ATP2C1: variants seen among roughly 807,000 people sequenced by gnomAD.
ATP2C1 encodes ATPase secretory pathway Ca2+ transporting 1, also known as calcium-transporting ATPase type 2C member 1.
Under a neutral mutation model 120.5 loss-of-function variants are expected in ATP2C1, and 31 were observed. That is an observed-to-expected ratio of 0.26 (90% CI 0.19 to 0.35). The LOEUF is 0.35. ATP2C1 is among the 10% of genes least tolerant of loss of function. ATP2C1 has a pLI of 1.00. For synonymous variants in ATP2C1, 351 were observed against 358.7 expected (o/e 0.98, Z 0.24); for missense variants, 731 against 1,107.5 (o/e 0.66, Z 4.83).
At chr3:130,940,981 C>A (rs2059872943) in intron 7 of ATP2C1, among the ~76,000 whole-genome samples, 1 of 131,126 alleles carries the variant, frequency 7.6e-6, no homozygotes, top group African/African-American at 2.9e-5. Flanking sequence ...GTGGCACAAT[C>A]TCGGCTCACT....
chr3:131,008,212 C>T (rs967401025), intron 26 of ATP2C1, among the ~76,000 whole-genome samples: 7 of 151,960 alleles, frequency 4.6e-5, no homozygotes, highest in Non-Finnish European at 7.4e-5. Flanking sequence ...CTGGGGAAGG[C>T]GGGTTGCTTG....
intron 6 of ATP2C1, 40 bp downstream of exon 6, chr3:130,937,503 A>G (rs1410199181): frequency 6.4e-7 from 1 of 1,567,704 alleles, no homozygotes; most frequent in African/African-American, 1.4e-5. Flanking sequence ...TGGTATGTTA[A>G]TTGCTTAAAA....
chr3:130,879,148 T>C (rs531769108), intron 1 of ATP2C1, among the ~76,000 whole-genome samples: 20 of 152,260 alleles, frequency 1.3e-4, no homozygotes, highest in African/African-American at 4.6e-4. Flanking sequence ...CTCTGCCTCC[T>C]GGGTCCCAGT....
chr3:130,895,358 G>A (rs1339042905), intron 2 of ATP2C1, among the ~76,000 whole-genome samples: 1 of 152,140 alleles, frequency 6.6e-6, no homozygotes, highest in South Asian at 2.1e-4. Flanking sequence ...GGCTGACAGC[G>A]GAACCTGTTT....
intron 10 of ATP2C1, 72 bp from the exon 11 acceptor site, chr3:130,956,032 C>A: frequency 9.7e-7 from 1 of 1,028,872 alleles, no homozygotes; most frequent in Non-Finnish European, 1.5e-6. Context: ...AAGCACTTAG[C>A]AAGCCCCTGG....
At chr3:130,852,534 A>G (rs1336153659) in intron 1 of ATP2C1, among the ~76,000 whole-genome samples, 1 of 152,202 alleles carries the variant, frequency 6.6e-6, no homozygotes, top group Non-Finnish European at 1.5e-5. Context: ...GGGACAACCT[A>G]GGAACAGCTG....
At position 130,997,526 on chromosome 3, in the gene ATP2C1, T is replaced by C. The variant is rs1553781988; in HGVS notation, c.2244-80T>C. On this transcript the variant is annotated intron_variant, in intron 24 of 27. Transcript: ENST00000510168. ...AGAAAGCATTTAGTTTGCCGAATAA[T>C]TGAGGTTAGTGAGGTTGTGAAAGTA... is the stretch of plus-strand genomic sequence containing the variant. 17 of 1,315,768 alleles carry C rather than the reference T, an allele frequency of 1.3e-5. No individual in the cohort carries two copies. In the South Asian group the frequency reaches 1.3e-4, roughly 10 times the overall value. 81.5% of individuals were successfully genotyped at this position (1,315,768 alleles called of 1,614,324 possible). A position where few individuals can be genotyped will look rare whatever the true frequency, so the allele number is the denominator to read the frequency against.
At chr3:130,926,794 T>C (rs1225759524) in intron 2 of ATP2C1, among the ~76,000 whole-genome samples, 1 of 152,274 alleles carries the variant, frequency 6.6e-6, no homozygotes, top group Non-Finnish European at 1.5e-5. Context: ...TATGTGTTCT[T>C]TCGCTGTTTT....
At chr3:130,851,262 A>G (rs529112969) in intron 1 of ATP2C1, among the ~76,000 whole-genome samples, 1 of 152,346 alleles carries the variant, frequency 6.6e-6, no homozygotes, top group African/African-American at 2.4e-5. Context: ...TAATATCTCA[A>G]CAAAGAAAGT....
chr3:130,930,587 A>T (rs1222092666), intron 3 of ATP2C1, 61 bp downstream of exon 3: 1 of 1,043,424 alleles, frequency 9.6e-7, no homozygotes, highest in East Asian at 2.4e-5. Flanking sequence ...TAGACTCTAT[A>T]AAACAGTGCT....
In ATP2C1 at chr3:130,969,277, C is replaced by T; in HGVS notation, c.1309-15C>T. On this transcript the variant is annotated splice_polypyrimidine_tract_variant and intron_variant, in intron 16 of 27. Coordinates refer to ENST00000510168, the MANE Select transcript of ATP2C1 (RefSeq NM_001378687.1). ...ACATATAGGTGAGAATTAACTTTCT[C>T]TTTGTGCCATATAGATGGGTCTTGA... 1 of 1,578,898 alleles carries T rather than the reference C, an allele frequency of 6.3e-7. No individual in the cohort carries two copies. The highest frequency in any genetic ancestry group is 2.2e-5 in the East Asian group (1 of 44,614).
At chr3:130,991,027 G>T (rs1166662662) in intron 20 of ATP2C1, among the ~76,000 whole-genome samples, 1 of 152,150 alleles carries the variant, frequency 6.6e-6, no homozygotes, top group African/African-American at 2.4e-5. Context: ...TCAAAAAAAT[G>T]CATGTAAGTA....
At chr3:130,862,218 C>T (rs1270730667) in intron 1 of ATP2C1, among the ~76,000 whole-genome samples, 3 of 151,444 alleles carry the variant, frequency 2.0e-5, no homozygotes, top group Admixed American at 6.6e-5. Context: ...CTCCTGACCT[C>T]GTGATCCCTA....
upstream of ATP2C1, among the ~76,000 whole-genome samples, chr3:130,892,482 A>G (rs1048595573): frequency 6.6e-6 from 1 of 152,120 alleles, no homozygotes; most frequent in African/African-American, 2.4e-5. Flanking sequence ...AATCTACTTG[A>G]TATTTTTATG....
At chr3:130,952,389 C>T (rs1484462165) in intron 8 of ATP2C1, among the ~76,000 whole-genome samples, 1 of 152,106 alleles carries the variant, frequency 6.6e-6, no homozygotes, top group African/African-American at 2.4e-5. Flanking sequence ...GATGAAGATT[C>T]TGTGAACCAA....
At position 130,955,051 on chromosome 3, in the gene ATP2C1, G is replaced by A; in HGVS notation, c.727G>A (p.Glu243Lys). ...AACAGGAGAAAATTCTGAATTTGGG[G>A]AGGTTTTTAAAATGATGCAAGCAGA... is the stretch of plus-strand genomic sequence containing the variant. ...IGTGENSEFG[E>K]VFKMMQAEEA... is the part of the protein sequence containing the mutation. Residue 243 changes from glutamate (E) to lysine (K), a missense_variant, in exon 10 of 28, where the codon GAG becomes AAG. Coordinates refer to ENST00000510168, the MANE Select transcript of ATP2C1 (RefSeq NM_001378687.1). 1 of 1,612,678 alleles carries A rather than the reference G, an allele frequency of 6.2e-7. No homozygotes were observed. The highest frequency in any genetic ancestry group is 8.5e-7 in the Non-Finnish European group (1 of 1,179,060).
intron 1 of ATP2C1, among the ~76,000 whole-genome samples, chr3:130,866,688 T>C (rs1011317642): frequency 2.6e-5 from 4 of 152,244 alleles, no homozygotes; most frequent in African/African-American, 9.6e-5. Context: ...ATGATTTTAA[T>C]ACTCTTTCCT....
At position 130,950,611 on chromosome 3, in the gene ATP2C1, C is replaced by T. The variant is rs373496318; in HGVS notation, c.532-3210C>T. Among the ~76,000 whole-genome samples the T allele has an allele frequency of 1.4e-4, 21 of 152,230 alleles. No individual in the cohort carries two copies. In the South Asian group the frequency reaches 3.7e-3, roughly 27 times the overall value. On this transcript the variant is annotated intron_variant, in intron 8 of 27. Coordinates refer to ENST00000510168, the MANE Select transcript of ATP2C1 (RefSeq NM_001378687.1). ...AATAACTTGTGACTTAGAAAGTATT[C>T]GTATTCAACAGATAGTTGAAATCTT...
chr3:130,968,589 A>G (rs1200179502), intron 16 of ATP2C1, among the ~76,000 whole-genome samples: 2 of 152,198 alleles, frequency 1.3e-5, no homozygotes, highest in Admixed American at 1.3e-4. Context: ...GCCAAACTGG[A>G]TGAAATGAAA....
Sources: allele counts gnomAD v4.1 joint callset (sites outside exome capture counted in the v4.1 genomes callset), GRCh38; gene constraint gnomAD v4.1.1; transcripts MANE v1.5; gene names NCBI Gene and HGNC (gene_info 2026-07-23, HGNC 2026-07-21).